COL6A6: variants seen among roughly 807,000 people sequenced by gnomAD.
COL6A6 encodes the protein collagen type VI alpha 6 chain.
A neutral mutation model predicts 208.6 loss-of-function variants in COL6A6; 183 were observed. The observed-to-expected ratio is 0.88, with a 90% CI of 0.78 to 0.99. The LOEUF is 0.99. Among genes scored for constraint, COL6A6 ranks in the 50% least tolerant of loss-of-function variants. The pLI is 0.00. For synonymous variants in COL6A6, 973 were observed against 1,011.8 expected (o/e 0.96, Z 0.73); for missense variants, 2,816 against 2,815.2 (o/e 1.00, Z -0.01).
chr3:130,531,039 GACACACAC>G (rs66824865), intron 1 of COL6A6, among the ~76,000 whole-genome samples: 4 of 138,026 alleles, frequency 2.9e-5, no homozygotes, highest in Non-Finnish European at 6.1e-5. Context: ...CACACACACA[GACACACAC>G]ACACACACAC....
At chr3:130,547,733 A>G (rs1007375420) in intron 1 of COL6A6, among the ~76,000 whole-genome samples, 2 of 152,242 alleles carry the variant, frequency 1.3e-5, no homozygotes, top group African/African-American at 4.8e-5. Flanking sequence ...TACATTGGCC[A>G]TCTGTTATTG....
chr3:130,636,318 C>T (rs1381675144), intron 28 of COL6A6, among the ~76,000 whole-genome samples: 4 of 152,208 alleles, frequency 2.6e-5, no homozygotes, highest in Admixed American at 2.6e-4. Flanking sequence ...TTGGAATAAA[C>T]ACAGGTCTCC....
At chr3:130,556,174 T>G (rs538755319) in intron 1 of COL6A6, among the ~76,000 whole-genome samples, 1 of 152,368 alleles carries the variant, frequency 6.6e-6, no homozygotes, top group African/African-American at 2.4e-5. Flanking sequence ...CTTAAGATAA[T>G]GGCCTACCGT....
At chr3:130,602,428 A>G (rs1318612502) in intron 20 of COL6A6, among the ~76,000 whole-genome samples, 3 of 152,348 alleles carry the variant, frequency 2.0e-5, no homozygotes, top group South Asian at 4.1e-4. Flanking sequence ...TAAAGCTGCA[A>G]GAGAAAGAAA....
At chr3:130,558,329 A>G (rs1211197184) in intron 1 of COL6A6, among the ~76,000 whole-genome samples, 1 of 151,872 alleles carries the variant, frequency 6.6e-6, no homozygotes, top group African/African-American at 2.4e-5. Context: ...TACACCACCC[A>G]CCCCATGCAC....
At position 130,640,573 on chromosome 3, in the gene COL6A6, A is replaced by G. The variant is rs143103068; in HGVS notation, c.5092-1079A>G. Among the ~76,000 whole-genome samples the G allele has an allele frequency of 3.2e-3, 494 of 152,350 alleles. 6 individuals are homozygous for G. The highest frequency in any genetic ancestry group is 0.011 in the African/African-American group (468 of 41,578). On this transcript the variant is annotated intron_variant, in intron 28 of 36. Transcript: ENST00000358511. ...ATCATTATTTACTGTTTTATAGGTA[A>G]TGCTTTTACAAATTAAGTTGATTTT...
At chr3:130,636,376 A>G (rs1180555100) in intron 28 of COL6A6, among the ~76,000 whole-genome samples, 2 of 152,168 alleles carry the variant, frequency 1.3e-5, no homozygotes, top group Non-Finnish European at 2.9e-5. Flanking sequence ...TGGATTAAGA[A>G]TGGATTTCTT....
At chr3:130,553,015 T>G (rs955536820) in intron 1 of COL6A6, among the ~76,000 whole-genome samples, 4 of 152,258 alleles carry the variant, frequency 2.6e-5, no homozygotes, top group Non-Finnish European at 5.9e-5. Flanking sequence ...AAACATCTGC[T>G]GTTAGCCTGG....
chr3:130,608,762 C>CTTTTT, intron 21 of COL6A6, 140 bp from the exon 22 acceptor site: 3 of 468,152 alleles, frequency 6.4e-6, no homozygotes, highest in East Asian at 3.5e-5. Flanking sequence ...TTATTTTTCA[C>CTTTTT]CTTTTTTTTT....
intron 34 of COL6A6, among the ~76,000 whole-genome samples, chr3:130,659,015 A>G (rs1290477772): frequency 6.6e-6 from 1 of 152,190 alleles, no homozygotes; most frequent in African/African-American, 2.4e-5. Context: ...TACATAGTGC[A>G]GCTTACAGGA....
Position 130,593,036 on chromosome 3 carries a change from G to C in COL6A6, c.4372-25G>C, listed in dbSNP as rs79133025. 1.4e-3 allele frequency: 2,279 copies of C among 1,608,108 alleles called. 25 individuals are homozygous for C. The African/African-American group carries it at 0.027, about 19-fold the overall frequency. On this transcript the variant is annotated intron_variant, in intron 15 of 36. Transcript: ENST00000358511. ...TTTACACATGCACGTGATGTACTCT[G>C]TTCTAATCATATCTATCTTTTCAGG...
In COL6A6 at chr3:130,594,311, G is replaced by A. The variant is rs1365697470; in HGVS notation, c.4501G>A (p.Asp1501Asn). The A allele has an allele frequency of 1.2e-6, 2 of 1,613,482 alleles. No individual in the cohort carries two copies. The highest frequency in any genetic ancestry group is 2.7e-5 in the African/African-American group (2 of 74,898). Residue 1501 changes from aspartate (D) to asparagine (N), a missense_variant, in exon 18 of 37, where the codon GAC (aspartate) becomes AAC (asparagine). Physicochemically the swap from Asp to Asn is conservative, Grantham distance 23. Transcript: ENST00000358511. ...GSPGKRGTPGDRGAKGLRGDP... is the reference protein window; with the variant it reads ...GSPGKRGTPGNRGAKGLRGDP... ...CCCAGGGAAGAGAGGGACTCCTGGT[G>A]ACCGTGGAGCAAAGGGCCTGCGAGG... is the stretch of plus-strand genomic sequence containing the variant.
rs1205677193 is a variant in COL6A6 at position 130,527,612 on chromosome 3, G to A, written c.-32+10215G>A. 2.6e-5 allele frequency among the ~76,000 whole-genome samples: 4 copies of A among 152,196 alleles called. No individual in the cohort carries two copies. The East Asian group carries it at 7.7e-4, about 29-fold the overall frequency. On this transcript the variant is annotated intron_variant, in intron 1 of 36. Transcript: ENST00000358511. Reference sequence around the variant, plus strand: ...TTCCCAAGCAATGATCACATCCTTGGCACTCTGCCTTTCTAATTAAATTGC... The same window carrying A: ...TTCCCAAGCAATGATCACATCCTTGACACTCTGCCTTTCTAATTAAATTGC...
intron 31 of COL6A6, 43 bp from the exon 32 acceptor site, chr3:130,644,945 TCTC>T: frequency 1.3e-6 from 2 of 1,588,582 alleles, no homozygotes; most frequent in Admixed American, 1.7e-5. Flanking sequence ...AGAACTCTCT[TCTC>T]CTACCAAATA....
chr3:130,619,756 G>T (rs2064654166), intron 23 of COL6A6, among the ~76,000 whole-genome samples: 1 of 152,108 alleles, frequency 6.6e-6, no homozygotes, highest in Non-Finnish European at 1.5e-5. Context: ...TAGCTGAGGG[G>T]TTTTGAGAAG....
At chr3:130,559,134 C>T (rs1193691020) in intron 1 of COL6A6, among the ~76,000 whole-genome samples, 2 of 152,110 alleles carry the variant, frequency 1.3e-5, no homozygotes, top group Non-Finnish European at 2.9e-5. Flanking sequence ...CAACAAATGG[C>T]AGAATTTATT....
intron 1 of COL6A6, among the ~76,000 whole-genome samples, chr3:130,520,091 A>G (rs9815375): frequency 0.069 from 10,553 of 152,158 alleles, 570 homozygotes; most frequent in African/African-American, 0.15. Context: ...AAATTTCTTC[A>G]TATCTTAGGC....
At chr3:130,527,370 G>C (rs1475343937) in intron 1 of COL6A6, among the ~76,000 whole-genome samples, 2 of 152,228 alleles carry the variant, frequency 1.3e-5, no homozygotes, top group African/African-American at 4.8e-5. Context: ...TTTGTGTCCT[G>C]TTTTGAAAGA....
intron 1 of COL6A6, among the ~76,000 whole-genome samples, chr3:130,544,483 A>G (rs1380346238): frequency 1.3e-5 from 2 of 152,298 alleles, no homozygotes; most frequent in African/African-American, 4.8e-5. Context: ...CAGTGTTGCA[A>G]TGAACAAAGG....
Sources: gnomAD v4.1 joint callset for allele counts (sites outside exome capture counted in the v4.1 genomes callset) on GRCh38, gnomAD v4.1.1 for gene constraint, MANE v1.5 for transcripts, NCBI Gene and HGNC (gene_info 2026-07-23, HGNC 2026-07-21) for gene names.